Variants in HS6ST2 observed in about 807,000 individuals in gnomAD.
The protein encoded by HS6ST2 is heparan-sulfate 6-O-sulfotransferase 2.
A neutral mutation model predicts 33.0 loss-of-function variants in HS6ST2; 17 were observed. The observed-to-expected ratio is 0.52, with a 90% CI of 0.35 to 0.77. The LOEUF (loss-of-function observed/expected upper bound fraction) is 0.77. Among genes scored for constraint, HS6ST2 ranks in the 30% least tolerant of loss-of-function variants. The pLI is 0.01. For missense variants in HS6ST2, 519 were observed against 551.7 expected (o/e 0.94, Z 0.59); for synonymous variants, 248 against 237.1 (o/e 1.05, Z -0.42).
chrX:132,827,606 T>C (rs1011102320), intron 2 of HS6ST2, among the ~76,000 whole-genome samples: 1 of 111,489 alleles, frequency 9.0e-6, no homozygotes, highest in African/African-American at 3.3e-5. Context: ...GAGATTTATA[T>C]AGATCAACCT....
At chrX:132,720,337 C>G (rs976883275) in intron 2 of HS6ST2, among the ~76,000 whole-genome samples, 2 of 111,141 alleles carry the variant, frequency 1.8e-5, no homozygotes, top group South Asian at 7.7e-4. Flanking sequence ...TTGTGTAAAT[C>G]GAATCCTAGT....
intron 2 of HS6ST2, among the ~76,000 whole-genome samples, chrX:132,917,230 C>T (rs1342084368): frequency 1.8e-5 from 2 of 111,455 alleles, no homozygotes; most frequent in Non-Finnish European, 1.9e-5. Context: ...ACAAATCTGA[C>T]ATTCTATGGT....
intron 4 of HS6ST2, among the ~76,000 whole-genome samples, chrX:132,653,865 C>T (rs1453860512): frequency 4.5e-5 from 5 of 111,455 alleles, no homozygotes; most frequent in African/African-American, 1.3e-4. Flanking sequence ...GACACTGCAG[C>T]AGTCTTATAT....
At chrX:132,698,472 A>C (rs976135525) in intron 3 of HS6ST2, among the ~76,000 whole-genome samples, 1 of 111,858 alleles carries the variant, frequency 8.9e-6, no homozygotes, top group Non-Finnish European at 1.9e-5. Flanking sequence ...GATAACACCC[A>C]TTGCTGGAGC....
chrX:132,813,411 C>G (rs182802787), intron 2 of HS6ST2, among the ~76,000 whole-genome samples: 1 of 111,652 alleles, frequency 9.0e-6, no homozygotes, highest in African/African-American at 3.3e-5. Flanking sequence ...TTATTCCGCC[C>G]AGATCACACA....
intron 1 of HS6ST2, 132 bp from the exon 2 acceptor site, chrX:132,957,458 G>A (rs900694040): frequency 2.8e-6 from 2 of 703,525 alleles, no homozygotes; most frequent in Non-Finnish European, 4.0e-6. Context: ...AGTACTCCAC[G>A]GCGGCGGCGG....
chrX:132,753,604 C>G lies in HS6ST2; in HGVS notation c.948-45110G>C, dbSNP rs2064729103. 2.7e-5 allele frequency among the ~76,000 whole-genome samples: 3 copies of G among 112,314 alleles called. No homozygotes were observed. In the Admixed American group the frequency reaches 2.8e-4, roughly 11 times the overall value. On this transcript the variant is annotated intron_variant, in intron 2 of 4. Transcript: ENST00000370833. ...TGCCACGACTGTGAGACCTCCCTAG[C>G]CATGTGGAACTGTGAGTTCATTAAA...
chrX:132,781,708 A>G (rs2065018062), intron 2 of HS6ST2, among the ~76,000 whole-genome samples: 1 of 111,754 alleles, frequency 8.9e-6, no homozygotes, highest in Admixed American at 9.5e-5. Flanking sequence ...CACGTCTTAC[A>G]TGGTGGCAGG....
intron 2 of HS6ST2, among the ~76,000 whole-genome samples, chrX:132,911,284 A>G (rs903922861): frequency 4.5e-5 from 5 of 111,181 alleles, no homozygotes; most frequent in Non-Finnish European, 9.4e-5. Context: ...TCCTGATCCC[A>G]TCCTGCTCCT....
At chrX:132,788,839 C>T (rs2065090741) in intron 2 of HS6ST2, among the ~76,000 whole-genome samples, 1 of 112,830 alleles carries the variant, frequency 8.9e-6, no homozygotes, top group Admixed American at 9.4e-5. Flanking sequence ...TTCCCTTAAG[C>T]CAAAGCCTGA....
intron 2 of HS6ST2, among the ~76,000 whole-genome samples, chrX:132,870,986 AGGC>A (rs2066051551): frequency 9.0e-6 from 1 of 110,520 alleles, no homozygotes; most frequent in Non-Finnish European, 1.9e-5. Context: ...GGCAACCTAC[AGGC>A]AACCTACAGA....
intron 2 of HS6ST2, among the ~76,000 whole-genome samples, chrX:132,744,643 G>A (rs965900104): frequency 9.0e-6 from 1 of 111,493 alleles, no homozygotes; most frequent in Non-Finnish European, 1.9e-5. Flanking sequence ...CAGCTGAATT[G>A]TTTTTTTCAC....
intron 2 of HS6ST2, among the ~76,000 whole-genome samples, chrX:132,728,998 G>A (rs1569484615): frequency 8.9e-6 from 1 of 112,246 alleles, no homozygotes; most frequent in Non-Finnish European, 1.9e-5. Context: ...GTCCCATTGT[G>A]AAGTGGCATT....
intron 4 of HS6ST2, among the ~76,000 whole-genome samples, chrX:132,637,773 T>TA (rs1491551860): frequency 1.4e-5 from 1 of 72,266 alleles, no homozygotes; most frequent in Non-Finnish European, 2.4e-5. Context: ...ATTATATATT[T>TA]ATATATATAA....
Position 132,628,011 on chromosome X carries a change from A to C in HS6ST2, c.*212T>G. 6.6e-6 allele frequency: 2 copies of C among 304,654 alleles called. No homozygotes were observed. Among genetic ancestry groups the C allele is most frequent in the Non-Finnish European group, 1.1e-5 (2 of 173,971 alleles). The allele number at this position is 304,654 out of a possible 1,213,427, so 25.1% of individuals were successfully genotyped here. A position where few individuals can be genotyped will look rare whatever the true frequency, so the allele number is the denominator to read the frequency against. ...CGGATTTCATATTTAGTCCAACCCC[A>C]AAAAGACAATTTAATTCCATATTGA... On this transcript the variant is annotated 3_prime_UTR_variant, in exon 5 of 5. Transcript: ENST00000370833.
At chrX:132,916,461 C>T (rs868827116) in intron 2 of HS6ST2, among the ~76,000 whole-genome samples, 6 of 104,666 alleles carry the variant, frequency 5.7e-5, no homozygotes, top group Non-Finnish European at 3.9e-5. Context: ...GATTGGATTA[C>T]GGATGCAAAG....
chrX:132,897,851 A>G (rs2066389942), intron 2 of HS6ST2, among the ~76,000 whole-genome samples: 1 of 111,587 alleles, frequency 9.0e-6, no homozygotes, highest in South Asian at 3.9e-4. Flanking sequence ...AAGTCACTTT[A>G]TTTCTGTTGC....
chrX:132,637,852 TA>T (rs796896724), intron 4 of HS6ST2, among the ~76,000 whole-genome samples: 5,996 of 38,735 alleles, frequency 0.15, 454 homozygotes, highest in African/African-American at 0.31. Context: ...TTATATATAA[TA>T]TATATATAAT....
intron 2 of HS6ST2, among the ~76,000 whole-genome samples, chrX:132,875,868 C>T (rs1388499807): frequency 9.0e-6 from 1 of 110,800 alleles, no homozygotes; most frequent in African/African-American, 3.3e-5. Flanking sequence ...TGGTTCTACA[C>T]GACACTCTGT....
Sources: allele counts gnomAD v4.1 joint callset (sites outside exome capture counted in the v4.1 genomes callset), GRCh38; gene constraint gnomAD v4.1.1; transcripts MANE v1.5; gene names NCBI Gene and HGNC (gene_info 2026-07-23, HGNC 2026-07-21).